The following SYT7 variants were observed in gnomAD, a reference collection of about 807,000 sequenced individuals.
SYT7 encodes the protein synaptotagmin-7.
Under a neutral mutation model 75.1 loss-of-function variants are expected in SYT7, and 29 were observed. The observed-to-expected ratio is 0.39, with a 90% confidence interval of 0.29 to 0.53. The LOEUF (loss-of-function observed/expected upper bound fraction) is 0.53. Ranked by LOEUF, SYT7 falls within the 20% of genes least tolerant of loss-of-function variation. SYT7 has a pLI of 0.77. For missense variants in SYT7, 693 were observed against 953.2 expected (o/e 0.73, Z 3.59); for synonymous variants, 376 against 401.7 (o/e 0.94, Z 0.76).
chr11:61,536,354 G>A (rs2062870197), intron 7 of SYT7, among the ~76,000 whole-genome samples: 2 of 152,202 alleles, frequency 1.3e-5, no homozygotes, highest in Admixed American at 1.3e-4. Context: ...CATGGGTGAT[G>A]TGAAATCTCG....
intron 12 of SYT7, among the ~76,000 whole-genome samples, chr11:61,519,210 A>G (rs1228199635): frequency 5.6e-4 from 85 of 152,262 alleles, no homozygotes; most frequent in Non-Finnish European, 1.6e-4. Context: ...AGATGGGGAA[A>G]CTAAGGTACG....
intron 1 of SYT7, among the ~76,000 whole-genome samples, chr11:61,571,289 G>A (rs2063914085): frequency 6.6e-6 from 1 of 152,218 alleles, no homozygotes; most frequent in Non-Finnish European, 1.5e-5. Context: ...AGTGAGGTGT[G>A]TTAGCTCATG....
At chr11:61,533,146 T>A in intron 7 of SYT7, 22 bp from the exon 8 acceptor site, 1 of 1,560,148 alleles carries the variant, frequency 6.4e-7, no homozygotes, top group Non-Finnish European at 8.7e-7. Flanking sequence ...GGAGTCCAAA[T>A]GAGATTGGGC....
Position 61,580,846 on chromosome 11 carries a change from G to T in SYT7, c.-26C>A, listed in dbSNP as rs1449425464. The T allele has an allele frequency of 5.7e-6, 7 of 1,236,196 alleles. No individual in the cohort carries two copies. The highest frequency in any genetic ancestry group is 7.1e-6 in the Non-Finnish European group (7 of 987,972). 76.6% of individuals were successfully genotyped at this position (1,236,196 alleles called of 1,614,324 possible). A position where few individuals can be genotyped will look rare whatever the true frequency, so the allele number is the denominator to read the frequency against. Reference sequence around the variant, plus strand: ...GGTCCCCTCGTCGCCGGTTCCCTCCGGGCTCCTCAGAGCCGCCCGCGGCCG... The same window carrying T: ...GGTCCCCTCGTCGCCGGTTCCCTCCTGGCTCCTCAGAGCCGCCCGCGGCCG... On this transcript the variant is annotated 5_prime_UTR_variant, in exon 1 of 13. Transcript: ENST00000539008. The surrounding 1 kb of genome is among the most constrained non-coding windows in gnomAD (Gnocchi z 6.1).
At chr11:61,541,594 G>GGGAT (rs1427914306) in intron 6 of SYT7, among the ~76,000 whole-genome samples, 2 of 152,120 alleles carry the variant, frequency 1.3e-5, no homozygotes, top group Non-Finnish European at 2.9e-5. Context: ...TTGTCCTCAG[G>GGGAT]GGATGGGTCA....
chr11:61,554,784 G>A (rs575209823), intron 2 of SYT7, among the ~76,000 whole-genome samples: 8 of 152,152 alleles, frequency 5.3e-5, no homozygotes, highest in Non-Finnish European at 1.0e-4. Context: ...CAGCCAGCCC[G>A]GTTCCACACA....
rs538743861 is a variant in SYT7 at position 61,529,978 on chromosome 11, C to T, written c.1201-1793G>A. Among the ~76,000 whole-genome samples the T allele has an allele frequency of 8.5e-4, 129 of 152,356 alleles. 1 individual carries two copies. The highest frequency in any genetic ancestry group is 1.2e-3 in the Non-Finnish European group (79 of 68,032). ...TATCTTAGACTGGCTGGCCGCCCAC[C>T]TCACCAGACCCTGCCCTGTGCCCTG... On this transcript the variant is annotated intron_variant, in intron 8 of 12. Coordinates refer to ENST00000539008, the MANE Select transcript of SYT7 (RefSeq NM_001365809.2).
chr11:61,529,778 G>A (rs2062646969), intron 8 of SYT7, among the ~76,000 whole-genome samples: 1 of 152,162 alleles, frequency 6.6e-6, no homozygotes, highest in African/African-American at 2.4e-5. Flanking sequence ...GGGACCACAG[G>A]GGCGTGCCAC....
At chr11:61,588,340 A>G in the SYT7 span, among the ~76,000 whole-genome samples, 22 of 152,268 alleles carry the variant, frequency 1.4e-4, no homozygotes, top group South Asian at 2.1e-3. Context: ...ATCCCGCTTA[A>G]TAGTCACAGA....
chr11:61,529,957 T>C (rs1400219468), intron 8 of SYT7, among the ~76,000 whole-genome samples: 2 of 152,150 alleles, frequency 1.3e-5, no homozygotes, highest in Non-Finnish European at 2.9e-5. Context: ...AGTAACTATC[T>C]TAGACTGGCT....
intron 7 of SYT7, among the ~76,000 whole-genome samples, chr11:61,536,346 T>G (rs1272833316): frequency 6.6e-6 from 1 of 152,172 alleles, no homozygotes; most frequent in Non-Finnish European, 1.5e-5. Context: ...CATTAACACA[T>G]GGGTGATGTG....
At chr11:61,564,773 G>T (rs1023586825) in intron 1 of SYT7, among the ~76,000 whole-genome samples, 1 of 152,176 alleles carries the variant, frequency 6.6e-6, no homozygotes, top group African/African-American at 2.4e-5. Context: ...ATTACCCCAG[G>T]TACTTCAGAG....
In SYT7 at chr11:61,551,135, G is replaced by A. The variant is rs1029093613; in HGVS notation, c.215+249C>T. The stretch of plus-strand genomic sequence containing the variant: ...AACCAGGGTTGAGGTGGGCGCAGAA[G>A]GTGCTGGCGGTGAGGGCAGCGGAAA... On this transcript the variant is annotated intron_variant, in intron 3 of 12. Coordinates refer to ENST00000539008, the MANE Select transcript of SYT7 (RefSeq NM_001365809.2). This position sits in a 1 kb window ranked among gnomAD's most constrained non-coding sequence, Gnocchi z 5.3. Among the ~76,000 whole-genome samples, 13 of 152,154 alleles carry A rather than the reference G, an allele frequency of 8.5e-5. No individual in the cohort carries two copies. The highest frequency in any genetic ancestry group is 3.1e-4 in the African/African-American group (13 of 41,432).
rs1565157904 is a variant in SYT7 at position 61,518,603 on chromosome 11, C to T, written c.*24G>A. On this transcript the variant is annotated 3_prime_UTR_variant, in exon 13 of 13. Coordinates refer to ENST00000539008, the MANE Select transcript of SYT7 (RefSeq NM_001365809.2). ...CATGATGGGGACCTGGGCCCTCGGC[C>T]CCCTGGGCCTCCCTTGGCCCCACTC... is the stretch of plus-strand genomic sequence containing the variant. 1.3e-6 allele frequency: 2 copies of T among 1,507,354 alleles called. No homozygotes were observed. Among genetic ancestry groups the T allele is most frequent in the Non-Finnish European group, 1.8e-6 (2 of 1,119,124 alleles). 93.4% of individuals were successfully genotyped at this position (1,507,354 alleles called of 1,614,324 possible).
Position 61,542,153 on chromosome 11 carries a change from G to C in SYT7, c.941+58C>G. The C allele has an allele frequency of 1.3e-6, 2 of 1,501,592 alleles. No individual in the cohort carries two copies. Among genetic ancestry groups the C allele is most frequent in the Non-Finnish European group, 1.8e-6 (2 of 1,130,816 alleles). The allele number at this position is 1,501,592 out of a possible 1,614,324, so 93.0% of individuals were successfully genotyped here. On this transcript the variant is annotated intron_variant, in intron 6 of 12. Coordinates refer to ENST00000539008, the MANE Select transcript of SYT7 (RefSeq NM_001365809.2). This position sits in a 1 kb window ranked among gnomAD's most constrained non-coding sequence, Gnocchi z 7.8. ...AACCAGCTGCTCCCAAGGAGATCTG[G>C]GGGGCAGGAGGCTGGGTCAGGGAGG...
At chr11:61,587,044 C>T in the SYT7 span, among the ~76,000 whole-genome samples, 1 of 152,102 alleles carries the variant, frequency 6.6e-6, no homozygotes, top group Non-Finnish European at 1.5e-5. Context: ...TGTCCCCCCT[C>T]CCCCCACATG....
intron 1 of SYT7, among the ~76,000 whole-genome samples, chr11:61,565,930 G>A (rs2063755057): frequency 6.6e-6 from 1 of 152,266 alleles, no homozygotes; most frequent in South Asian, 2.1e-4. Flanking sequence ...CCGGCTAGAT[G>A]CAGACGGTTT....
intron 5 of SYT7, among the ~76,000 whole-genome samples, chr11:61,544,029 T>C (rs191934535): frequency 2.3e-4 from 35 of 152,340 alleles, no homozygotes; most frequent in Non-Finnish European, 3.8e-4. Context: ...TAAAGTTTTA[T>C]TGGAACCAAG....
chr11:61,544,383 G>A (rs748715351), intron 5 of SYT7, among the ~76,000 whole-genome samples: 7 of 152,232 alleles, frequency 4.6e-5, no homozygotes, highest in Non-Finnish European at 8.8e-5. Context: ...GAAAGAGGGA[G>A]AGAAAGAGTA....
Sources: gnomAD v4.1 joint callset for allele counts (sites outside exome capture counted in the v4.1 genomes callset) on GRCh38, gnomAD v4.1.1 for gene constraint, Gnocchi (gnomAD v3.1) non-coding constraint, MANE v1.5 for transcripts, NCBI Gene and HGNC (gene_info 2026-07-23, HGNC 2026-07-21) for gene names.